The following FARS2 variants were observed in gnomAD, a reference collection of about 807,000 sequenced individuals.
The protein encoded by FARS2 is phenylalanine--tRNA ligase, mitochondrial.
A neutral mutation model predicts 46.4 loss-of-function variants in FARS2; 40 were observed. The ratio of observed to expected loss-of-function variants is 0.86; its 90% confidence interval spans 0.67 to 1.12. FARS2 has a LOEUF of 1.12. FARS2 is among the 50% of genes most tolerant of loss of function. The probability of loss-of-function intolerance (pLI) is 0.00; values close to 1 mark genes in which losing one functional copy is unlikely to be tolerated. For missense variants in FARS2, 513 were observed against 567.9 expected (o/e 0.90, Z 0.98); for synonymous variants, 234 against 214.9 (o/e 1.09, Z -0.78).
At chr6:5,669,273 C>T (rs889381347) in intron 6 of FARS2, among the ~76,000 whole-genome samples, 3 of 152,202 alleles carry the variant, frequency 2.0e-5, no homozygotes, top group East Asian at 1.9e-4. Flanking sequence ...ATTGTGCCCT[C>T]GGATTCCATC....
chr6:5,615,200 TTGTTC>T (rs919791093), intron 6 of FARS2, among the ~76,000 whole-genome samples: 3 of 152,230 alleles, frequency 2.0e-5, no homozygotes, highest in African/African-American at 7.2e-5. Context: ...TTCTGATCCA[TTGTTC>T]TGTTCTGTTT....
chr6:5,460,407 A>G (rs921559247), intron 4 of FARS2, among the ~76,000 whole-genome samples: 12 of 152,188 alleles, frequency 7.9e-5, no homozygotes, highest in African/African-American at 2.7e-4. Flanking sequence ...CAGAAACCAC[A>G]CTAGCTATTT....
At chr6:5,514,455 AT>A (rs1768662568) in intron 4 of FARS2, among the ~76,000 whole-genome samples, 1 of 152,194 alleles carries the variant, frequency 6.6e-6, no homozygotes, top group Admixed American at 6.5e-5. Flanking sequence ...CTAAACATTC[AT>A]GAAAATCTGT....
At chr6:5,675,524 A>G (rs1463086170) in intron 6 of FARS2, among the ~76,000 whole-genome samples, 2 of 152,230 alleles carry the variant, frequency 1.3e-5, no homozygotes, top group Non-Finnish European at 2.9e-5. Flanking sequence ...GCCATTCCAC[A>G]TGTACCCAAT....
chr6:5,614,007 A>T lies in FARS2; in HGVS notation c.1217+687A>T, dbSNP rs555617574. On this transcript the variant is annotated intron_variant, in intron 6 of 6. Coordinates refer to ENST00000274680, the MANE Select transcript of FARS2 (RefSeq NM_006567.5). ...AGTCCTGGGGGGAAAAGGGCACATG[A>T]GATGCAGAAGGCAGCCAAGAACACG... is the stretch of plus-strand genomic sequence containing the variant. 3.3e-5 allele frequency among the ~76,000 whole-genome samples: 5 copies of T among 152,198 alleles called. No homozygotes were observed. In the East Asian group the frequency reaches 9.7e-4, roughly 29 times the overall value.
rs376442822 is a variant in FARS2, at chr6:5,690,468, G to T, written c.1217+77148G>T. 2.6e-5 allele frequency among the ~76,000 whole-genome samples: 4 copies of T among 151,190 alleles called. No individual in the cohort carries two copies. In the East Asian group the frequency reaches 7.7e-4, roughly 29 times the overall value. Reference sequence around the variant, plus strand: ...TCCTTCACTTATGAAGCTTAGTTTGGCTGGATATGAAATTCTGGGTTGAAA... The same window carrying T: ...TCCTTCACTTATGAAGCTTAGTTTGTCTGGATATGAAATTCTGGGTTGAAA... On this transcript the variant is annotated intron_variant, in intron 6 of 6. Transcript: ENST00000274680.
At chr6:5,643,511 A>G (rs988868129) in intron 6 of FARS2, among the ~76,000 whole-genome samples, 1 of 152,190 alleles carries the variant, frequency 6.6e-6, no homozygotes, top group African/African-American at 2.4e-5. Context: ...TTCACTCGGT[A>G]AACATTTCCT....
chr6:5,554,003 A>G (rs368146312), intron 5 of FARS2, among the ~76,000 whole-genome samples: 9 of 152,202 alleles, frequency 5.9e-5, no homozygotes, highest in African/African-American at 1.9e-4. Context: ...GAGTATAACT[A>G]TTATAATAAG....
At chr6:5,432,587 G>A (rs1216084543) in intron 4 of FARS2, among the ~76,000 whole-genome samples, 1 of 145,436 alleles carries the variant, frequency 6.9e-6, no homozygotes, top group African/African-American at 2.6e-5. Context: ...TTTGGATTGG[G>A]CATTTGAGCT....
intron 2 of FARS2, among the ~76,000 whole-genome samples, chr6:5,392,739 C>T (rs1490811957): frequency 1.4e-4 from 3 of 20,768 alleles, no homozygotes; most frequent in East Asian, 3.0e-3. Flanking sequence ...TATATATACA[C>T]ACACACACAC....
At chr6:5,527,065 T>G (rs1769510670) in intron 4 of FARS2, among the ~76,000 whole-genome samples, 1 of 152,250 alleles carries the variant, frequency 6.6e-6, no homozygotes, top group South Asian at 2.1e-4. Context: ...GTCTTCTTAA[T>G]GTATACAGTA....
In FARS2 at chr6:5,337,236, T is replaced by A. The variant is rs890564460; in HGVS notation, c.-21-31314T>A. 2.2e-4 allele frequency among the ~76,000 whole-genome samples: 33 copies of A among 151,860 alleles called. 1 individual carries two copies. The highest frequency in any genetic ancestry group is 8.0e-4 in the African/African-American group (33 of 41,388). On this transcript the variant is annotated intron_variant, in intron 1 of 6. Coordinates refer to ENST00000274680, the MANE Select transcript of FARS2 (RefSeq NM_006567.5). The stretch of plus-strand genomic sequence containing the variant: ...GAGAAAGAATTAAAATATCAGAGTT[T>A]GTTTGCTGTGTCAAGTCTTGTGTTA...
chr6:5,353,805 T>C (rs1175587022), intron 1 of FARS2, among the ~76,000 whole-genome samples: 13 of 143,840 alleles, frequency 9.0e-5, no homozygotes, highest in African/African-American at 3.3e-4. Flanking sequence ...TTGTCAGATG[T>C]ACAGTTTGCA....
intron 5 of FARS2, chr6:5,609,495 T>C (rs1294184517): frequency 9.0e-6 from 11 of 1,226,704 alleles, no homozygotes; most frequent in Non-Finnish European, 1.2e-5. Flanking sequence ...ACCACCATCA[T>C]GGCTGCCACC....
chr6:5,579,212 A>G (rs1005172715), intron 5 of FARS2, among the ~76,000 whole-genome samples: 1 of 152,056 alleles, frequency 6.6e-6, no homozygotes, highest in African/African-American at 2.4e-5. Flanking sequence ...TTCAGAACAC[A>G]TTTTTCACTG....
intron 5 of FARS2, among the ~76,000 whole-genome samples, chr6:5,586,450 G>C (rs988002967): frequency 6.6e-6 from 1 of 152,046 alleles, no homozygotes; most frequent in African/African-American, 2.4e-5. Context: ...TGAGATGATT[G>C]CATGATTTTT....
chr6:5,589,192 C>G (rs184016219), intron 5 of FARS2, among the ~76,000 whole-genome samples: 3 of 152,132 alleles, frequency 2.0e-5, no homozygotes, highest in Non-Finnish European at 4.4e-5. Flanking sequence ...CAGCTCCCCC[C>G]GTCCTAGGTC....
chr6:5,399,132 TATTATTATTATTATTATTA>T (rs1562011755), intron 2 of FARS2, among the ~76,000 whole-genome samples: 34 of 57,946 alleles, frequency 5.9e-4, no homozygotes, highest in Non-Finnish European at 2.0e-4. Context: ...ATTATTTTAT[TATTATTATTATTATTATTA>T]TTATTATTAT....
chr6:5,250,998 C>T, the FARS2 span, among the ~76,000 whole-genome samples: 3,017 of 152,312 alleles, frequency 0.02, 91 homozygotes, highest in African/African-American at 0.069. Context: ...AGCCCCAGTA[C>T]ATTCTGCAAA....
Sources: allele counts gnomAD v4.1 joint callset (sites outside exome capture counted in the v4.1 genomes callset), GRCh38; gene constraint gnomAD v4.1.1; transcripts MANE v1.5; gene names NCBI Gene and HGNC (gene_info 2026-07-23, HGNC 2026-07-21).